Variants in SIPA1L1 observed in about 807,000 individuals in gnomAD.
The protein encoded by SIPA1L1 is signal-induced proliferation-associated 1-like protein 1.
A neutral mutation model predicts 162.7 loss-of-function variants in SIPA1L1; 26 were observed. The observed-to-expected ratio is 0.16, with a 90% CI of 0.12 to 0.22. The LOEUF is 0.22. SIPA1L1 is among the 10% of genes least tolerant of loss of function. The probability of loss-of-function intolerance (pLI) is 1.00; values close to 1 mark genes in which losing one functional copy is unlikely to be tolerated. For missense variants in SIPA1L1, 1,874 were observed against 2,241.0 expected, an observed-to-expected ratio of 0.84 and a Z score of 3.31; for synonymous variants, 829 against 837.4, an observed-to-expected ratio of 0.99 and a Z score of 0.17.
At chr14:71,643,420 T>C (rs1214647074) in intron 7 of SIPA1L1, among the ~76,000 whole-genome samples, 1 of 152,238 alleles carries the variant, frequency 6.6e-6, no homozygotes, top group African/African-American at 2.4e-5. Context: ...AGAGCTTTTG[T>C]TCATAAGACT....
At chr14:71,578,011 T>G (rs2332641) in intron 4 of SIPA1L1, among the ~76,000 whole-genome samples, 127,064 of 152,088 alleles carry the variant, frequency 0.84, 53,667 homozygotes, top group African/African-American at 0.95. Flanking sequence ...CCCGGATTCA[T>G]CCAGTTCTCC....
At chr14:71,512,485 G>A (rs985533473) in intron 2 of SIPA1L1, among the ~76,000 whole-genome samples, 1 of 151,348 alleles carries the variant, frequency 6.6e-6, no homozygotes, top group Middle Eastern at 3.2e-3. Flanking sequence ...TACTCGAGAG[G>A]TTGAGGCAGG....
chr14:71,455,791 A>G (rs985688749), intron 2 of SIPA1L1, among the ~76,000 whole-genome samples: 3 of 152,158 alleles, frequency 2.0e-5, no homozygotes, highest in Non-Finnish European at 2.9e-5. Context: ...TTTGCTTTCA[A>G]TGCCTGAGTC....
At chr14:71,645,810 T>C in intron 7 of SIPA1L1, among the ~76,000 whole-genome samples, 1 of 152,190 alleles carries the variant, frequency 6.6e-6, no homozygotes, top group East Asian at 1.9e-4. Context: ...TTTGATGTCA[T>C]GATCCATCAC....
intron 2 of SIPA1L1, among the ~76,000 whole-genome samples, chr14:71,356,567 C>CAAAAAAAAAAAAAA (rs71105772): frequency 0.037 from 1,461 of 39,124 alleles, 520 homozygotes; most frequent in East Asian, 0.065. Flanking sequence ...CTTGTCTCTA[C>CAAAAAAAAAAAAAA]AAAAAAAAAA....
chr14:71,543,848 GTATATATACATATATCATACGTA>G (rs1245160387), intron 4 of SIPA1L1, among the ~76,000 whole-genome samples: 178 of 143,858 alleles, frequency 1.2e-3, no homozygotes, highest in African/African-American at 4.4e-3. Context: ...ATATGTATGT[GTATATATACATATATCATACGTA>G]TGTGTATATA....
chr14:71,699,255 C>G, intron 14 of SIPA1L1, 128 bp downstream of exon 14: 1 of 901,924 alleles, frequency 1.1e-6, no homozygotes, highest in Non-Finnish European at 1.7e-6. Flanking sequence ...AAAGAGAAAA[C>G]GTAGTTAATA....
intron 10 of SIPA1L1, among the ~76,000 whole-genome samples, chr14:71,665,065 A>G (rs930840327): frequency 7.2e-5 from 11 of 152,358 alleles, no homozygotes; most frequent in East Asian, 3.9e-4. Context: ...TAGGCCATCA[A>G]TTCAACACTA....
At position 71,543,869 on chromosome 14, in the gene SIPA1L1, G is replaced by GTA. The variant is rs1235529121; in HGVS notation, c.-303+14501_-303+14502dup. 2.1e-5 allele frequency among the ~76,000 whole-genome samples: 3 copies of GTA among 143,990 alleles called. No homozygotes were observed. The East Asian group carries it at 6.0e-4, about 29-fold the overall frequency. 94.5% of individuals were successfully genotyped at this position (143,990 alleles called of 152,430 possible). ...ATGTGTATATATACATATATCATACGTATGTGTATATATACATATATCATA... is the reference window on the plus strand; with the variant it reads ...ATGTGTATATATACATATATCATACGTATATGTGTATATATACATATATCATA... On this transcript the variant is annotated intron_variant, in intron 4 of 23. Coordinates refer to ENST00000381232, the MANE Select transcript of SIPA1L1 (RefSeq NM_001386936.1).
intron 2 of SIPA1L1, among the ~76,000 whole-genome samples, chr14:71,393,134 G>T (rs61991245): frequency 0.083 from 12,670 of 152,222 alleles, 710 homozygotes; most frequent in Middle Eastern, 0.26. Flanking sequence ...TATTCCAATA[G>T]GATATCGATA....
chr14:71,721,795 A>C (rs561064454), intron 17 of SIPA1L1, among the ~76,000 whole-genome samples: 1 of 152,284 alleles, frequency 6.6e-6, no homozygotes, highest in East Asian at 1.9e-4. Flanking sequence ...TGTGCACCCC[A>C]AGTCCACTTC....
rs941471003 is a variant in SIPA1L1, at chr14:71,351,488, A to C, written c.-465+30307A>C. Among the ~76,000 whole-genome samples the C allele has an allele frequency of 2.0e-5, 3 of 152,352 alleles. No individual in the cohort carries two copies. The East Asian group carries it at 5.8e-4, about 29-fold the overall frequency. On this transcript the variant is annotated intron_variant, in intron 2 of 23. Transcript: ENST00000381232. The stretch of plus-strand genomic sequence containing the variant: ...GTTACTTTTATTTGCTTCTAAACTC[A>C]GTATGAGTCAGTAGGGTGGATATGA...
chr14:71,666,685 T>C (rs1394788090), intron 10 of SIPA1L1, among the ~76,000 whole-genome samples: 1 of 151,974 alleles, frequency 6.6e-6, no homozygotes, highest in Non-Finnish European at 1.5e-5. Context: ...GTAATAACTG[T>C]TGAAAGGAAT....
chr14:71,643,085 G>A (rs996186431), intron 7 of SIPA1L1, among the ~76,000 whole-genome samples: 1 of 152,076 alleles, frequency 6.6e-6, no homozygotes, highest in Admixed American at 6.6e-5. Flanking sequence ...AGTAGTTGAG[G>A]AAATAGTTCC....
chr14:71,346,533 G>A (rs142933065), intron 2 of SIPA1L1, among the ~76,000 whole-genome samples: 231 of 152,290 alleles, frequency 1.5e-3, no homozygotes, highest in Non-Finnish European at 2.5e-3. Flanking sequence ...AACTGTAGAA[G>A]AGAGTATGGT....
At chr14:71,550,723 C>T (rs1173271211) in intron 4 of SIPA1L1, among the ~76,000 whole-genome samples, 1 of 152,036 alleles carries the variant, frequency 6.6e-6, no homozygotes, top group Non-Finnish European at 1.5e-5. Context: ...TTTCCAATTA[C>T]TTTTCTGATA....
intron 5 of SIPA1L1, among the ~76,000 whole-genome samples, chr14:71,607,510 A>G (rs1171587757): frequency 6.6e-6 from 1 of 152,084 alleles, no homozygotes; most frequent in Non-Finnish European, 1.5e-5. Context: ...AGACACCATC[A>G]CTACAGAAAA....
intron 2 of SIPA1L1, among the ~76,000 whole-genome samples, chr14:71,501,792 G>A (rs958535771): frequency 1.3e-5 from 2 of 152,272 alleles, no homozygotes; most frequent in South Asian, 4.1e-4. Flanking sequence ...GCAGGCCAAG[G>A]TGGGAGGATT....
intron 2 of SIPA1L1, among the ~76,000 whole-genome samples, 158 bp from the exon 3 acceptor site, chr14:71,512,585 C>CA (rs550540510): frequency 0.05 from 2,299 of 46,182 alleles, 37 homozygotes; most frequent in Non-Finnish European, 0.066. Flanking sequence ...GACTCTGTCT[C>CA]AAAAAAAAAA....
Sources: allele counts gnomAD v4.1 joint callset (sites outside exome capture counted in the v4.1 genomes callset), GRCh38; gene constraint gnomAD v4.1.1; transcripts MANE v1.5; gene names NCBI Gene and HGNC (gene_info 2026-07-23, HGNC 2026-07-21).